NCS1: variants seen among roughly 807,000 people sequenced by gnomAD.
The protein encoded by NCS1 is neuronal calcium sensor 1.
In NCS1, 6 loss-of-function variants were observed where a neutral mutation model predicts 28.4. The ratio of observed to expected loss-of-function variants is 0.21; its 90% CI spans 0.12 to 0.42. The LOEUF (loss-of-function observed/expected upper bound fraction) is 0.42, where lower values mean the gene tolerates loss of function less well. Among genes scored for constraint, NCS1 ranks in the 10% least tolerant of loss-of-function variants. The pLI, the probability that NCS1 is intolerant of heterozygous loss-of-function variation, is 1.00. For missense variants in NCS1, 131 were observed against 241.4 expected (o/e 0.54, Z 3.03); for synonymous variants, 86 against 99.3 (o/e 0.87, Z 0.79).
At position 130,219,378 on chromosome 9, in the gene NCS1, G is replaced by C. The variant is rs2131151949; in HGVS notation, c.229-347G>C. ...AAAAGCCCATGAGCCCACAGCTCTA[G>C]GCCGAGGGGCTTCCGGGCTGTTGCT... On this transcript the variant is annotated intron_variant, in intron 3 of 7. Coordinates refer to ENST00000372398, the MANE Select transcript of NCS1 (RefSeq NM_014286.4). The surrounding 1 kb of genome is among the most constrained non-coding windows in gnomAD (Gnocchi z 5.7). 6.6e-6 allele frequency among the ~76,000 whole-genome samples: 1 copy of C among 152,308 alleles called. No homozygotes were observed. The highest frequency in any genetic ancestry group is 1.9e-4 in the East Asian group (1 of 5,178).
intron 1 of NCS1, 112 bp from the exon 2 acceptor site, chr9:130,200,846 A>C: frequency 6.6e-7 from 1 of 1,506,516 alleles, no homozygotes; most frequent in Non-Finnish European, 9.2e-7. Flanking sequence ...TTGCCCGGGG[A>C]CATGGCCGTG....
At chr9:130,179,857 G>A (rs1206616325) in intron 1 of NCS1, among the ~76,000 whole-genome samples, 1 of 152,122 alleles carries the variant, frequency 6.6e-6, no homozygotes, top group Non-Finnish European at 1.5e-5. Context: ...CAAATTAAGC[G>A]CCAGAAAGGT....
At chr9:130,223,276 C>A (rs1833365228) in intron 6 of NCS1, 117 bp downstream of exon 6, 4 of 894,988 alleles carry the variant, frequency 4.5e-6, no homozygotes, top group Non-Finnish European at 7.1e-6. Flanking sequence ...TGGCTCACGG[C>A]AGGCGGCACG....
chr9:130,179,508 T>C (rs1420696004), intron 1 of NCS1, among the ~76,000 whole-genome samples: 1 of 152,210 alleles, frequency 6.6e-6, no homozygotes, highest in Non-Finnish European at 1.5e-5. Flanking sequence ...CACTTATCTT[T>C]TCTTGAAGAT....
chr9:130,181,870 G>A lies in NCS1; in HGVS notation c.64+9143G>A, dbSNP rs1460334430. Among the ~76,000 whole-genome samples, 3 of 152,038 alleles carry A rather than the reference G, an allele frequency of 2.0e-5. No individual in the cohort carries two copies. The highest frequency in any genetic ancestry group is 2.9e-5 in the Non-Finnish European group (2 of 68,000). On this transcript the variant is annotated intron_variant, in intron 1 of 7. Transcript: ENST00000372398. The surrounding 1 kb of genome is among the most constrained non-coding windows in gnomAD (Gnocchi z 5.0). The stretch of plus-strand genomic sequence containing the variant: ...GTGAGCCGGGCACTCCTGTGCGCAC[G>A]CGTGTGGTGGTGTGTGAGGGCAGCT...
intron 1 of NCS1, among the ~76,000 whole-genome samples, chr9:130,174,919 G>A (rs1832543721): frequency 6.6e-6 from 1 of 151,984 alleles, no homozygotes; most frequent in Non-Finnish European, 1.5e-5. Flanking sequence ...GGGCAGATCT[G>A]TCAACTTTAA....
intron 2 of NCS1, among the ~76,000 whole-genome samples, chr9:130,211,010 A>ATTTTTTTTT (rs34425557): frequency 3.2e-5 from 3 of 92,396 alleles, no homozygotes; most frequent in Non-Finnish European, 2.0e-5. Context: ...GGCTCCACTA[A>ATTTTTTTTT]TTTTTTTTTT....
chr9:130,200,249 A>C (rs76892511), intron 1 of NCS1, among the ~76,000 whole-genome samples: 4,002 of 152,302 alleles, frequency 0.026, 170 homozygotes, highest in African/African-American at 0.091. Context: ...TTTAGAGAGA[A>C]CATTGATTTG....
At chr9:130,197,422 C>A (rs909484099) in intron 1 of NCS1, among the ~76,000 whole-genome samples, 1 of 152,122 alleles carries the variant, frequency 6.6e-6, no homozygotes, top group Non-Finnish European at 1.5e-5. Context: ...TTCTGGGAAC[C>A]CAGACACAAT....
rs115468830 is a variant in NCS1, at chr9:130,179,310, A to G, written c.64+6583A>G. Among the ~76,000 whole-genome samples, 413 of 152,158 alleles carry G rather than the reference A, an allele frequency of 2.7e-3. 4 individuals are homozygous for G. Among genetic ancestry groups the G allele is most frequent in the African/African-American group, 9.4e-3 (391 of 41,508 alleles). ...ACTTAAAAAAACCTGACCATTCTGA[A>G]TGTTTGCCCGTATCATGAACTATGC... On this transcript the variant is annotated intron_variant, in intron 1 of 7. Coordinates refer to ENST00000372398, the MANE Select transcript of NCS1 (RefSeq NM_014286.4).
intron 2 of NCS1, among the ~76,000 whole-genome samples, chr9:130,205,537 GAAAAA>G (rs1194053393): frequency 8.7e-6 from 1 of 115,192 alleles, no homozygotes; most frequent in Non-Finnish European, 1.7e-5. Context: ...TCGTCTCTTA[GAAAAA>G]AAAAAAAAAA....
chr9:130,216,957 T>C (rs1833199451), intron 2 of NCS1, among the ~76,000 whole-genome samples: 1 of 140,066 alleles, frequency 7.1e-6, no homozygotes, highest in Admixed American at 7.5e-5. Context: ...AGCCAGTTTG[T>C]GAATTGGGTT....
At chr9:130,204,409 C>T (rs1768660673) in intron 2 of NCS1, among the ~76,000 whole-genome samples, 1 of 152,176 alleles carries the variant, frequency 6.6e-6, no homozygotes, top group Admixed American at 6.6e-5. Flanking sequence ...CTGACTCAGC[C>T]TCCTGATTAG....
chr9:130,210,809 GA>G (rs1554908671), intron 2 of NCS1, among the ~76,000 whole-genome samples: 4 of 150,078 alleles, frequency 2.7e-5, no homozygotes, highest in South Asian at 2.1e-4. Context: ...AACTTAAAAA[GA>G]AAAAAAATTC....
rs556816377 is a variant in NCS1 at position 130,186,378 on chromosome 9, G to A, written c.64+13651G>A. Among the ~76,000 whole-genome samples the A allele has an allele frequency of 3.3e-5, 5 of 152,328 alleles. No homozygotes were observed. In the East Asian group the frequency reaches 5.8e-4, roughly 18 times the overall value. ...GGAGGTAATATTGTAGTTGAGACCC[G>A]GGGCTAGGGTTGCCAGACATACTGA... On this transcript the variant is annotated intron_variant, in intron 1 of 7. Transcript: ENST00000372398. The surrounding 1 kb of genome is among the most constrained non-coding windows in gnomAD (Gnocchi z 4.1).
At chr9:130,203,253 G>A (rs1367225132) in intron 2 of NCS1, among the ~76,000 whole-genome samples, 1 of 151,700 alleles carries the variant, frequency 6.6e-6, no homozygotes, top group Non-Finnish European at 1.5e-5. Context: ...TCAAGTAGCT[G>A]GAACTACAGA....
chr9:130,222,253 C>G (rs1833340671), intron 4 of NCS1, among the ~76,000 whole-genome samples: 1 of 151,630 alleles, frequency 6.6e-6, no homozygotes, highest in South Asian at 2.1e-4. Flanking sequence ...CTCCTGGGCT[C>G]AAGCCATCCT....
intron 1 of NCS1, among the ~76,000 whole-genome samples, chr9:130,196,869 T>G (rs1366657050): frequency 2.0e-5 from 3 of 152,206 alleles, no homozygotes; most frequent in African/African-American, 7.2e-5. Context: ...ACAGCCATGA[T>G]AACAGTTTTT....
intron 1 of NCS1, among the ~76,000 whole-genome samples, chr9:130,189,730 T>C (rs1383638860): frequency 1.3e-5 from 2 of 151,218 alleles, no homozygotes; most frequent in Non-Finnish European, 2.9e-5. Flanking sequence ...TAATCCCAGC[T>C]ACTCAGGAAG....
Sources: allele counts gnomAD v4.1 joint callset (sites outside exome capture counted in the v4.1 genomes callset), GRCh38; gene constraint gnomAD v4.1.1; non-coding constraint Gnocchi (gnomAD v3.1); transcripts MANE v1.5; gene names NCBI Gene and HGNC (gene_info 2026-07-23, HGNC 2026-07-21).